ULK2: variants seen among roughly 807,000 people sequenced by gnomAD.
ULK2 encodes the protein unc-51 like autophagy activating kinase 2.
A neutral mutation model predicts 127.5 loss-of-function variants in ULK2; 76 were observed. That is an observed-to-expected ratio of 0.60 (90% CI 0.50 to 0.72). ULK2 has a LOEUF of 0.72. Among genes scored for constraint, ULK2 ranks in the 30% least tolerant of loss-of-function variants. ULK2 has a pLI of 0.00. For synonymous variants in ULK2, 452 were observed against 461.9 expected (o/e 0.98, Z 0.28); for missense variants, 1,144 against 1,295.9 (o/e 0.88, Z 1.80).
chr17:19,810,422 C>T lies in ULK2; in HGVS notation c.1113G>A (p.Gly371=). ...SSDHSCDMPV[G]TAGRRASNEF... ...CATTTGAAGCACGTCTGCCAGCAGT[C>T]CCCACTGGCATATCACCTAAAGGAG... The change falls in exon 14 of 27, where the codon GGG becomes GGA. Residue 371 remains glycine, a synonymous_variant. Coordinates refer to ENST00000395544, the MANE Select transcript of ULK2 (RefSeq NM_014683.4). 1.9e-6 allele frequency: 3 copies of T among 1,607,558 alleles called. No individual in the cohort carries two copies. The highest frequency in any genetic ancestry group is 2.6e-6 in the Non-Finnish European group (3 of 1,175,012).
chr17:19,849,875 G>A, intron 3 of ULK2, 101 bp from the exon 4 acceptor site: 12 of 685,044 alleles, frequency 1.8e-5, no homozygotes, highest in Middle Eastern at 3.4e-4. Context: ...TATTAAAACT[G>A]GTAAAATGAA....
chr17:19,814,436 A>ATTT (rs1567696524), intron 13 of ULK2, among the ~76,000 whole-genome samples: 11 of 24,076 alleles, frequency 4.6e-4, no homozygotes, highest in East Asian at 3.5e-3. Context: ...ATATATATAT[A>ATTT]TATTTTTTTT....
At chr17:19,794,472 A>G (rs921583991) in intron 20 of ULK2, among the ~76,000 whole-genome samples, 19 of 152,202 alleles carry the variant, frequency 1.2e-4, no homozygotes, top group Admixed American at 9.8e-4. Context: ...GCACCTAAGC[A>G]TATCATATTC....
intron 12 of ULK2, among the ~76,000 whole-genome samples, chr17:19,820,410 G>T (rs2041110656): frequency 6.6e-6 from 1 of 152,064 alleles, no homozygotes; most frequent in Admixed American, 6.5e-5. Context: ...AATACTGTCA[G>T]GCCTCTGTCT....
chr17:19,778,214 T>C (rs2086848447), intron 25 of ULK2, among the ~76,000 whole-genome samples: 1 of 152,222 alleles, frequency 6.6e-6, no homozygotes, highest in Non-Finnish European at 1.5e-5. Context: ...GCACTGCGCC[T>C]ACAATGAAGG....
intron 7 of ULK2, 139 bp downstream of exon 7, chr17:19,845,165 C>T: frequency 1.5e-6 from 1 of 687,722 alleles, no homozygotes; most frequent in Non-Finnish European, 2.3e-6. Context: ...ATAGCATTAT[C>T]AGTAATATAA....
chr17:19,830,306 C>T (rs566135752), intron 10 of ULK2, among the ~76,000 whole-genome samples: 65 of 152,108 alleles, frequency 4.3e-4, no homozygotes, highest in Non-Finnish European at 8.2e-4. Context: ...CTGAAGTAAT[C>T]CCTCTTACCT....
chr17:19,814,439 T>TATATATATATATATATATACACACATATA (rs1491246393), intron 13 of ULK2, among the ~76,000 whole-genome samples: 1 of 10,004 alleles, frequency 1.0e-4, no homozygotes, highest in African/African-American at 2.1e-4. Flanking sequence ...TATATATATA[T>TATATATATATATATATATACACACATATA]TTTTTTTTTT....
At chr17:19,809,470 C>T (rs2087581661) in intron 14 of ULK2, among the ~76,000 whole-genome samples, 1 of 152,076 alleles carries the variant, frequency 6.6e-6, no homozygotes, top group South Asian at 2.1e-4. Context: ...CAGCGGCTCA[C>T]AACTGTAATC....
At chr17:19,832,570 G>C (rs2041486020) in intron 10 of ULK2, among the ~76,000 whole-genome samples, 1 of 152,024 alleles carries the variant, frequency 6.6e-6, no homozygotes, top group Admixed American at 6.6e-5. Flanking sequence ...AGCTGTGCTT[G>C]AACTTTTAGT....
At chr17:19,815,819 C>A (rs146484423) in intron 13 of ULK2, among the ~76,000 whole-genome samples, 1 of 151,890 alleles carries the variant, frequency 6.6e-6, no homozygotes, top group Non-Finnish European at 1.5e-5. Flanking sequence ...CAAACCTGCA[C>A]GTTGTGCACA....
intron 12 of ULK2, among the ~76,000 whole-genome samples, chr17:19,821,552 C>T (rs1309051982): frequency 6.6e-6 from 1 of 152,102 alleles, no homozygotes; most frequent in Non-Finnish European, 1.5e-5. Context: ...TACACCAGTC[C>T]TAGAAAGAAG....
intron 12 of ULK2, among the ~76,000 whole-genome samples, chr17:19,821,501 T>C (rs1268572718): frequency 4.6e-5 from 7 of 152,118 alleles, no homozygotes; most frequent in African/African-American, 2.4e-5. Context: ...AACGACAACG[T>C]TATATCACAT....
chr17:19,805,608 A>G (rs1245087116), intron 14 of ULK2, among the ~76,000 whole-genome samples: 2 of 152,242 alleles, frequency 1.3e-5, no homozygotes, highest in African/African-American at 4.8e-5. Flanking sequence ...TGGCAATAAT[A>G]TGCCCAATTA....
At chr17:19,795,221 G>A (rs1308860625) in intron 20 of ULK2, among the ~76,000 whole-genome samples, 2 of 151,826 alleles carry the variant, frequency 1.3e-5, no homozygotes, top group Non-Finnish European at 2.9e-5. Context: ...ACAGTCTCTG[G>A]AGCAACTCCG....
intron 5 of ULK2, 87 bp from the exon 6 acceptor site, chr17:19,846,997 G>A (rs929350810): frequency 1.5e-6 from 2 of 1,313,312 alleles, no homozygotes; most frequent in African/African-American, 1.5e-5. Context: ...GGTTGTGAAG[G>A]AGAGCATGAA....
chr17:19,807,138 A>T (rs2087531767), intron 14 of ULK2, among the ~76,000 whole-genome samples: 1 of 152,186 alleles, frequency 6.6e-6, no homozygotes, highest in Admixed American at 6.5e-5. Flanking sequence ...TGTGAAACTC[A>T]ATCTAGCAGA....
chr17:19,867,270 A>T, intron 1 of ULK2, 58 bp downstream of exon 1: 1 of 1,374,548 alleles, frequency 7.3e-7, no homozygotes, highest in Non-Finnish European at 9.6e-7. Flanking sequence ...CAAGTTTCAG[A>T]ACCACCTAGC....
intron 17 of ULK2, among the ~76,000 whole-genome samples, chr17:19,798,138 C>T (rs573961060): frequency 1.3e-5 from 2 of 152,196 alleles, no homozygotes; most frequent in South Asian, 4.1e-4. Context: ...AAAATAACTC[C>T]TTATTCAAAA....
Sources: gnomAD v4.1 joint callset for allele counts (sites outside exome capture counted in the v4.1 genomes callset) on GRCh38, gnomAD v4.1.1 for gene constraint, MANE v1.5 for transcripts, NCBI Gene and HGNC (gene_info 2026-07-23, HGNC 2026-07-21) for gene names.